FBLN5: variants seen among roughly 807,000 people sequenced by gnomAD.
The protein encoded by FBLN5 is fibulin-5.
A neutral mutation model predicts 61.6 loss-of-function variants in FBLN5; 24 were observed. The ratio of observed to expected loss-of-function variants is 0.39; its 90% confidence interval spans 0.28 to 0.55. The LOEUF (loss-of-function observed/expected upper bound fraction) is 0.55. FBLN5 is among the 20% of genes least tolerant of loss of function. The pLI is 0.65. For missense variants in FBLN5, 470 were observed against 594.1 expected (o/e 0.79, Z 2.17); for synonymous variants, 213 against 219.8 (o/e 0.97, Z 0.27).
At chr14:91,913,351 G>C (rs867958946) in intron 4 of FBLN5, among the ~76,000 whole-genome samples, 1 of 152,252 alleles carries the variant, frequency 6.6e-6, no homozygotes, top group African/African-American at 2.4e-5. Context: ...TATTAATAGA[G>C]CCTATTACTA....
rs1010893441 is a variant in FBLN5 at position 91,943,729 on chromosome 14, C to G, written c.18-768G>C. Among the ~76,000 whole-genome samples, 1 of 152,184 alleles carries G rather than the reference C, an allele frequency of 6.6e-6. No individual in the cohort carries two copies. The highest frequency in any genetic ancestry group is 6.5e-5 in the Admixed American group (1 of 15,282). On this transcript the variant is annotated intron_variant, in intron 1 of 10. Coordinates refer to ENST00000342058, the MANE Select transcript of FBLN5 (RefSeq NM_006329.4). This position sits in a 1 kb window ranked among gnomAD's most constrained non-coding sequence, Gnocchi z 4.0. ...CAAAGAAAGGTGTCACAGGAAGTCACTGAACCAGAGCATTGAGTCCACATG... is the reference window on the plus strand; with the variant it reads ...CAAAGAAAGGTGTCACAGGAAGTCAGTGAACCAGAGCATTGAGTCCACATG...
Position 91,913,112 on chromosome 14 carries a change from TC to T in FBLN5, c.380-18041del, listed in dbSNP as rs138953080. ...ATCACAAGTTTTTATCTACCTCTAT[TC>T]CCTTAGGGAAGTCTAAGGTGTTACT... On this transcript the variant is annotated intron_variant, in intron 4 of 10. Coordinates refer to ENST00000342058, the MANE Select transcript of FBLN5 (RefSeq NM_006329.4). 2.0e-3 allele frequency among the ~76,000 whole-genome samples: 300 copies of T among 152,314 alleles called. 1 individual carries two copies. The highest frequency in any genetic ancestry group is 6.7e-3 in the African/African-American group (277 of 41,560).
At chr14:91,881,457 T>C (rs1380102447) in intron 8 of FBLN5, 39 bp from the exon 9 acceptor site, 1 of 1,613,520 alleles carries the variant, frequency 6.2e-7, no homozygotes. Context: ...GGCAGGGCAT[T>C]ATTGGCCAGG....
chr14:91,926,794 G>A (rs537432442), intron 4 of FBLN5, among the ~76,000 whole-genome samples: 74 of 149,904 alleles, frequency 4.9e-4, no homozygotes, highest in African/African-American at 1.7e-3. Context: ...GGGAGTGGAC[G>A]GGGGGCAGTG....
At chr14:91,891,691 TC>T (rs1200074380) in intron 5 of FBLN5, among the ~76,000 whole-genome samples, 2 of 152,184 alleles carry the variant, frequency 1.3e-5, no homozygotes, top group African/African-American at 4.8e-5. Context: ...AGATGGACTC[TC>T]CAATTTTTCC....
chr14:91,940,825 C>T (rs540738888), intron 2 of FBLN5, among the ~76,000 whole-genome samples: 1 of 152,208 alleles, frequency 6.6e-6, no homozygotes, highest in Non-Finnish European at 1.5e-5. Context: ...CCACACCAGG[C>T]CAGGCGCAGT....
At chr14:91,912,636 C>T (rs8021116) in intron 4 of FBLN5, among the ~76,000 whole-genome samples, 1 of 151,552 alleles carries the variant, frequency 6.6e-6, no homozygotes, top group African/African-American at 2.4e-5. Context: ...CAGAGCTAGA[C>T]GATATCTCAA....
intron 4 of FBLN5, among the ~76,000 whole-genome samples, chr14:91,935,586 T>C (rs1486959626): frequency 6.6e-6 from 1 of 152,168 alleles, no homozygotes; most frequent in African/African-American, 2.4e-5. Flanking sequence ...AGTTAGGAGA[T>C]TGTAGACAGG....
At chr14:91,891,592 A>G (rs1890000172) in intron 5 of FBLN5, among the ~76,000 whole-genome samples, 1 of 152,182 alleles carries the variant, frequency 6.6e-6, no homozygotes, top group South Asian at 2.1e-4. Context: ...TAAAAGTTGC[A>G]GAAGAAATTT....
chr14:91,896,692 T>A (rs1890240888), intron 4 of FBLN5, among the ~76,000 whole-genome samples: 1 of 151,948 alleles, frequency 6.6e-6, no homozygotes, highest in Non-Finnish European at 1.5e-5. Context: ...CTAACAGAGG[T>A]CATGCCACCC....
Position 91,883,891 on chromosome 14 carries a change from G to A in FBLN5, c.740-815C>T, listed in dbSNP as rs969669421. On this transcript the variant is annotated intron_variant, in intron 7 of 10. Transcript: ENST00000342058. ...ATGGGCTATGGCGGTTGATGCAGATGCAGAAGCAGACGTTCCAGAAAAGCC... is the reference window on the plus strand; with the variant it reads ...ATGGGCTATGGCGGTTGATGCAGATACAGAAGCAGACGTTCCAGAAAAGCC... Among the ~76,000 whole-genome samples the A allele has an allele frequency of 9.9e-5, 15 of 152,190 alleles. 1 individual carries two copies. The highest frequency in any genetic ancestry group is 2.1e-4 in the Non-Finnish European group (14 of 68,040).
intron 10 of FBLN5, among the ~76,000 whole-genome samples, chr14:91,871,852 C>T (rs1412065250): frequency 7.2e-6 from 1 of 139,314 alleles, no homozygotes; most frequent in Non-Finnish European, 1.6e-5. Context: ...GAGACTCCAG[C>T]TAAAAAAAAA....
intron 4 of FBLN5, among the ~76,000 whole-genome samples, chr14:91,895,528 G>A (rs1332600655): frequency 6.6e-6 from 1 of 152,096 alleles, no homozygotes; most frequent in Non-Finnish European, 1.5e-5. Context: ...GCTGGGCATG[G>A]TGGCTCACGC....
At chr14:91,881,151 ACACGCATGAG>A in intron 9 of FBLN5, 131 bp downstream of exon 9, 2 of 756,944 alleles carry the variant, frequency 2.6e-6, no homozygotes, top group Non-Finnish European at 2.3e-6. Context: ...ACACACACAC[ACACGCATGAG>A]CACATGACGT....
chr14:91,877,383 G>T, intron 10 of FBLN5, 104 bp downstream of exon 10: 2 of 938,844 alleles, frequency 2.1e-6, no homozygotes, highest in Non-Finnish European at 3.5e-6. Context: ...CTGCCTACCT[G>T]TCCCCCAGCC....
chr14:91,943,901 CAGG>C lies in FBLN5; in HGVS notation c.18-943_18-941del, dbSNP rs2056145115. ...AGGGAAAATGAAACCCGCGGGAAAA[CAGG>C]AGGAGGAGTCACGCACCCTGGGCTC... On this transcript the variant is annotated intron_variant, in intron 1 of 10. Transcript: ENST00000342058. This position sits in a 1 kb window ranked among gnomAD's most constrained non-coding sequence, Gnocchi z 4.0. 6.6e-6 allele frequency among the ~76,000 whole-genome samples: 1 copy of C among 152,296 alleles called. No homozygotes were observed. The highest frequency in any genetic ancestry group is 2.4e-5 in the African/African-American group (1 of 41,576).
Position 91,937,059 on chromosome 14 carries a change from T to TGAGTAGGGGGTC in FBLN5, c.255_266dup (p.Thr86_Ser89dup), listed in dbSNP as rs763136937. On this transcript the variant is annotated inframe_insertion, in exon 4 of 11. Coordinates refer to ENST00000342058, the MANE Select transcript of FBLN5 (RefSeq NM_006329.4). ...GTGGGGCAGCTGCTGGGTACGGACC[T>TGAGTAGGGGGTC]GAGTAGGGGGTCGAGTAGGGGTTCG... 4.3e-6 allele frequency: 7 copies of TGAGTAGGGGGTC among 1,613,970 alleles called. No homozygotes were observed. Among genetic ancestry groups the TGAGTAGGGGGTC allele is most frequent in the Middle Eastern group, 1.6e-4 (1 of 6,062 alleles).
intron 4 of FBLN5, among the ~76,000 whole-genome samples, chr14:91,897,375 G>A (rs1890269331): frequency 6.6e-6 from 1 of 152,132 alleles, no homozygotes; most frequent in African/African-American, 2.4e-5. Context: ...TGCCACTATC[G>A]GCTGGTGCGT....
chr14:91,924,054 G>A (rs1195372935), intron 4 of FBLN5, among the ~76,000 whole-genome samples: 1 of 152,196 alleles, frequency 6.6e-6, no homozygotes, highest in Non-Finnish European at 1.5e-5. Context: ...AGGGGGTGAT[G>A]ATATCTGATA....
Sources: gnomAD v4.1 joint callset for allele counts (sites outside exome capture counted in the v4.1 genomes callset) on GRCh38, gnomAD v4.1.1 for gene constraint, Gnocchi (gnomAD v3.1) non-coding constraint, MANE v1.5 for transcripts, NCBI Gene and HGNC (gene_info 2026-07-23, HGNC 2026-07-21) for gene names.